Variants in TAFA2 observed in about 807,000 individuals in gnomAD.
TAFA2 encodes chemokine-like protein TAFA-2.
TAFA2 carries 7 observed loss-of-function variants against 18.8 expected under a neutral mutation model. That is an observed-to-expected ratio of 0.37 (90% CI 0.21 to 0.70). TAFA2 has a LOEUF of 0.70. Ranked by LOEUF, TAFA2 falls within the 30% of genes least tolerant of loss-of-function variation. The pLI is 0.53. For synonymous variants in TAFA2, 60 were observed against 54.2 expected (o/e 1.11, Z -0.47); for missense variants, 122 against 158.1 (o/e 0.77, Z 1.23).
chr12:61,951,949 A>G (rs146988008), intron 1 of TAFA2, among the ~76,000 whole-genome samples: 165 of 152,232 alleles, frequency 1.1e-3, no homozygotes, highest in African/African-American at 3.7e-3. Flanking sequence ...AACACGAAGC[A>G]TTTTAAACAA....
intron 4 of TAFA2, among the ~76,000 whole-genome samples, chr12:61,732,176 A>C (rs1408284553): frequency 6.6e-6 from 1 of 152,050 alleles, no homozygotes; most frequent in Non-Finnish European, 1.5e-5. Flanking sequence ...AGAGCCAGTC[A>C]AGTGGGTAGC....
chr12:61,716,295 A>G (rs1869655801), intron 4 of TAFA2, among the ~76,000 whole-genome samples: 1 of 152,214 alleles, frequency 6.6e-6, no homozygotes, highest in Non-Finnish European at 1.5e-5. Context: ...CTAATAAACC[A>G]GCTACCATCA....
chr12:61,966,184 T>TA (rs983014412), intron 1 of TAFA2, among the ~76,000 whole-genome samples: 7 of 151,862 alleles, frequency 4.6e-5, no homozygotes, highest in African/African-American at 9.7e-5. Context: ...TGTGCTGCTA[T>TA]AAAAAAATGT....
At chr12:61,750,033 T>C (rs1868937992) in intron 4 of TAFA2, among the ~76,000 whole-genome samples, 2 of 151,708 alleles carry the variant, frequency 1.3e-5, no homozygotes, top group Non-Finnish European at 2.9e-5. Flanking sequence ...AGTCTGTTTT[T>C]TTCCGATGAT....
chr12:61,914,334 G>A (rs989429488), intron 1 of TAFA2, among the ~76,000 whole-genome samples: 2 of 152,136 alleles, frequency 1.3e-5, no homozygotes, highest in African/African-American at 4.8e-5. Context: ...CCTCACACCA[G>A]AAAAAGGAAG....
intron 1 of TAFA2, among the ~76,000 whole-genome samples, chr12:61,994,152 C>T (rs1041421591): frequency 3.3e-5 from 5 of 152,084 alleles, no homozygotes; most frequent in Non-Finnish European, 5.9e-5. Context: ...CAACCTTTTC[C>T]ACCCCCCACT....
chr12:62,180,176 T>C (rs530372994), intron 1 of TAFA2, among the ~76,000 whole-genome samples: 7 of 152,342 alleles, frequency 4.6e-5, no homozygotes, highest in East Asian at 1.9e-4. Flanking sequence ...TTTTCAGTAC[T>C]ATACAGTACC....
At chr12:62,050,061 T>A (rs1270225128) in intron 1 of TAFA2, among the ~76,000 whole-genome samples, 1 of 152,178 alleles carries the variant, frequency 6.6e-6, no homozygotes, top group Admixed American at 6.5e-5. Flanking sequence ...GCTGGCTTAT[T>A]TGGGTGTAGA....
intron 1 of TAFA2, among the ~76,000 whole-genome samples, chr12:62,139,695 A>G (rs2062224915): frequency 6.6e-6 from 1 of 152,198 alleles, no homozygotes; most frequent in Non-Finnish European, 1.5e-5. Flanking sequence ...GCATGTGATA[A>G]AAAGAAAAAA....
At chr12:61,891,714 A>G (rs1297757835) in intron 1 of TAFA2, among the ~76,000 whole-genome samples, 8 of 152,002 alleles carry the variant, frequency 5.3e-5, no homozygotes, top group Non-Finnish European at 1.2e-4. Flanking sequence ...GAGGTTGGGG[A>G]GCATATAAGC....
At chr12:62,146,479 A>T (rs2062282332) in intron 1 of TAFA2, among the ~76,000 whole-genome samples, 1 of 151,832 alleles carries the variant, frequency 6.6e-6, no homozygotes, top group African/African-American at 2.4e-5. Context: ...AGACTGTTTC[A>T]TCATGTTGCC....
intron 1 of TAFA2, among the ~76,000 whole-genome samples, chr12:62,056,328 G>T (rs1882187405): frequency 6.6e-6 from 1 of 152,058 alleles, no homozygotes; most frequent in African/African-American, 2.4e-5. Context: ...TCTAATTTTT[G>T]AAAGTATGAA....
chr12:62,193,345 T>C (rs1432112988), upstream of TAFA2, among the ~76,000 whole-genome samples: 1 of 152,224 alleles, frequency 6.6e-6, no homozygotes, highest in Non-Finnish European at 1.5e-5. Flanking sequence ...CCAGTTTTCA[T>C]ACCTCTTTTT....
At chr12:62,111,199 T>C (rs1277853188) in intron 1 of TAFA2, among the ~76,000 whole-genome samples, 4 of 152,216 alleles carry the variant, frequency 2.6e-5, no homozygotes, top group African/African-American at 9.6e-5. Flanking sequence ...TTTGTTCTCA[T>C]TGGTTTCAAA....
At chr12:62,033,330 G>A (rs1159191871) in intron 1 of TAFA2, among the ~76,000 whole-genome samples, 2 of 152,120 alleles carry the variant, frequency 1.3e-5, no homozygotes, top group Non-Finnish European at 2.9e-5. Flanking sequence ...CCTAATATTA[G>A]GAAATAGATA....
rs537145723 is a variant in TAFA2, at chr12:62,001,658, A to G, written c.-1-134232T>C. Among the ~76,000 whole-genome samples the G allele has an allele frequency of 1.7e-3, 255 of 152,164 alleles. 1 individual carries two copies. Among genetic ancestry groups the G allele is most frequent in the African/African-American group, 5.9e-3 (245 of 41,504 alleles). On this transcript the variant is annotated intron_variant, in intron 1 of 4. Transcript: ENST00000416284. The stretch of plus-strand genomic sequence containing the variant: ...CAAGCAATGGGGAGCGGCTGAAAAT[A>G]CAGACGAAGCTTCACTTGCCCTCCT...
At chr12:62,000,997 C>T (rs1880358549) in intron 1 of TAFA2, among the ~76,000 whole-genome samples, 1 of 152,192 alleles carries the variant, frequency 6.6e-6, no homozygotes, top group South Asian at 2.1e-4. Context: ...TATCATTGTG[C>T]TCCACTGCTC....
intron 1 of TAFA2, among the ~76,000 whole-genome samples, chr12:62,099,716 C>T (rs1015415690): frequency 3.9e-5 from 6 of 152,148 alleles, no homozygotes; most frequent in African/African-American, 1.4e-4. Context: ...CAGGCCCTTG[C>T]TGGCTGCACT....
At chr12:62,101,037 T>G (rs1869177393) in intron 1 of TAFA2, among the ~76,000 whole-genome samples, 3 of 152,118 alleles carry the variant, frequency 2.0e-5, no homozygotes, top group Non-Finnish European at 2.9e-5. Flanking sequence ...TTGCAGACAC[T>G]TCAGATATAT....
Sources: gnomAD v4.1 joint callset for allele counts (sites outside exome capture counted in the v4.1 genomes callset) on GRCh38, gnomAD v4.1.1 for gene constraint, MANE v1.5 for transcripts, NCBI Gene and HGNC (gene_info 2026-07-23, HGNC 2026-07-21) for gene names.